CACNA1B: variants seen among roughly 807,000 people sequenced by gnomAD.
CACNA1B encodes calcium voltage-gated channel subunit alpha1 B, also known as voltage-dependent N-type calcium channel subunit alpha-1B.
Under a neutral mutation model 247.2 loss-of-function variants are expected in CACNA1B, and 70 were observed. That is an observed-to-expected ratio of 0.28 (90% CI 0.23 to 0.35). The LOEUF is 0.35. CACNA1B is among the 10% of genes least tolerant of loss of function. CACNA1B has a pLI of 1.00. For missense variants in CACNA1B, 2,367 were observed against 3,197.4 expected (o/e 0.74, Z 6.26); for synonymous variants, 1,231 against 1,294.4 (o/e 0.95, Z 1.05).
In CACNA1B at chr9:137,984,185, G is replaced by C; in HGVS notation, c.1704G>C (p.Pro568=). The C allele has an allele frequency of 6.2e-7, 1 of 1,605,064 alleles. No homozygotes were observed. Among genetic ancestry groups the C allele is most frequent in the Non-Finnish European group, 8.5e-7 (1 of 1,176,158 alleles). Residue 568 remains proline, a synonymous_variant, in exon 13 of 47, where the codon CCG becomes CCC. Coordinates refer to ENST00000371372, the MANE Select transcript of CACNA1B (RefSeq NM_000718.4). ...AAGTGGTCTGGGCGGCCATCAAGCC[G>C]GGAAGCTCCTTTGGGATCAGTGTGC... The part of the protein sequence containing the change: ...VFEVVWAAIK[P]GSSFGISVLR...
Position 137,917,430 on chromosome 9 carries a change from A to T in CACNA1B, c.965A>T (p.Asn322Ile). The change falls in exon 6 of 47, where the codon AAT becomes ATT. Residue 322 changes from asparagine to isoleucine, a missense_variant and splice_region_variant. Around this residue, in one of 12 missense-constraint regions of CACNA1B, gnomAD observed 32 missense variants for 37.2 expected, o/e 0.86. Transcript: ENST00000371372. The surrounding 1 kb of genome is among the most constrained non-coding windows in gnomAD (Gnocchi z 5.5). ...GAGGGCTGGACTGACATCCTCTATA[A>T]TGTGAGTGGCGTCTTGGCCCTGGGC... Reference protein sequence around the residue: ...TMEGWTDILYNTNDAAGNTWN... With the variant: ...TMEGWTDILYITNDAAGNTWN... The T allele has an allele frequency of 6.2e-7, 1 of 1,612,766 alleles. No individual in the cohort carries two copies. Among genetic ancestry groups the T allele is most frequent in the Non-Finnish European group, 8.5e-7 (1 of 1,179,074 alleles).
In CACNA1B at chr9:138,122,374, C is replaced by A; in HGVS notation, c.*375C>A. ...AGCTCTGCGTCCTGTGGGGAGCACC[C>A]TTCACGTGGCCGTGCGGCACAGAGA... On this transcript the variant is annotated 3_prime_UTR_variant, in exon 47 of 47. Transcript: ENST00000371372. The A allele has an allele frequency of 4.0e-6, 1 of 251,384 alleles. No homozygotes were observed. The highest frequency in any genetic ancestry group is 8.5e-5 in the East Asian group (1 of 11,796). 15.6% of individuals were successfully genotyped at this position (251,384 alleles called of 1,614,324 possible). A position where few individuals can be genotyped will look rare whatever the true frequency, so the allele number is the denominator to read the frequency against.
At chr9:138,045,937 G>C (rs915001283) in intron 21 of CACNA1B, among the ~76,000 whole-genome samples, 1 of 152,140 alleles carries the variant, frequency 6.6e-6, no homozygotes, top group African/African-American at 2.4e-5. Flanking sequence ...GGGGCTGGGG[G>C]CGGTGGACAC....
chr9:137,901,091 G>A (rs1228703557), intron 3 of CACNA1B, among the ~76,000 whole-genome samples: 1 of 147,170 alleles, frequency 6.8e-6, no homozygotes, highest in Admixed American at 6.8e-5. Flanking sequence ...CTGTGTCTGT[G>A]TCTGTGTGTC....
At chr9:137,947,297 G>C (rs1451819304) in intron 6 of CACNA1B, among the ~76,000 whole-genome samples, 1 of 152,182 alleles carries the variant, frequency 6.6e-6, no homozygotes, top group African/African-American at 2.4e-5. Context: ...TGACACAGTG[G>C]AAGGGGGGTG....
In CACNA1B at chr9:138,052,994, G is replaced by C. The variant is rs1271937169; in HGVS notation, c.3807+806G>C. ...TCTGAGAGCAGCATTGTGTGCACAG[G>C]GAATGCTGAGCTTCCAGGTTGGGAG... is the stretch of plus-strand genomic sequence containing the variant. On this transcript the variant is annotated intron_variant, in intron 25 of 46. Coordinates refer to ENST00000371372, the MANE Select transcript of CACNA1B (RefSeq NM_000718.4). The surrounding 1 kb of genome is among the most constrained non-coding windows in gnomAD (Gnocchi z 5.1). Among the ~76,000 whole-genome samples, 1 of 152,242 alleles carries C rather than the reference G, an allele frequency of 6.6e-6. No homozygotes were observed. Among genetic ancestry groups the C allele is most frequent in the Non-Finnish European group, 1.5e-5 (1 of 68,052 alleles).
intron 26 of CACNA1B, among the ~76,000 whole-genome samples, chr9:138,056,485 T>C (rs1266479993): frequency 6.6e-6 from 1 of 152,264 alleles, no homozygotes; most frequent in Non-Finnish European, 1.5e-5. Context: ...CTGATGAACA[T>C]TGGGTTGTTT....
At chr9:138,065,331 G>A (rs1959878693) in intron 31 of CACNA1B, among the ~76,000 whole-genome samples, 2 of 152,194 alleles carry the variant, frequency 1.3e-5, no homozygotes, top group South Asian at 4.2e-4. Context: ...ATGAAAACTC[G>A]AGTTGTGGGT....
At position 138,010,999 on chromosome 9, in the gene CACNA1B, T is replaced by C. The variant is rs979613346; in HGVS notation, c.2160+922T>C. Among the ~76,000 whole-genome samples, 1 of 152,186 alleles carries C rather than the reference T, an allele frequency of 6.6e-6. No individual in the cohort carries two copies. The highest frequency in any genetic ancestry group is 2.4e-5 in the African/African-American group (1 of 41,454). Reference sequence around the variant, plus strand: ...CTCTCCAGGAGGGGGGTGTGGTCCATGCGGTGTGCCAGCTGCAGCCTGAGC... The same window carrying C: ...CTCTCCAGGAGGGGGGTGTGGTCCACGCGGTGTGCCAGCTGCAGCCTGAGC... On this transcript the variant is annotated intron_variant, in intron 17 of 46. Coordinates refer to ENST00000371372, the MANE Select transcript of CACNA1B (RefSeq NM_000718.4). This position sits in a 1 kb window ranked among gnomAD's most constrained non-coding sequence, Gnocchi z 5.3.
chr9:138,066,309 C>T lies in CACNA1B; in HGVS notation c.4669-3449C>T, dbSNP rs113307358. Among the ~76,000 whole-genome samples the T allele has an allele frequency of 3.2e-3, 488 of 152,284 alleles. 4 individuals carry two copies. The highest frequency in any genetic ancestry group is 0.011 in the African/African-American group (471 of 41,560). On this transcript the variant is annotated intron_variant, in intron 31 of 46. Transcript: ENST00000371372. The stretch of plus-strand genomic sequence containing the variant: ...TCAAGAGACCCAAGAGGGCGGGGCA[C>T]GCTGGCTCACGCCTGTACTCCCAGA...
At chr9:138,043,641 G>T in intron 20 of CACNA1B, 133 bp from the exon 21 acceptor site, 1 of 924,936 alleles carries the variant, frequency 1.1e-6, no homozygotes. Context: ...ACTGTTCTTA[G>T]CTGCTTGCCC....
At chr9:138,096,208 A>G (rs1397871004) in intron 36 of CACNA1B, among the ~76,000 whole-genome samples, 2 of 152,182 alleles carry the variant, frequency 1.3e-5, no homozygotes, top group African/African-American at 2.4e-5. Flanking sequence ...TGAGAGGGAA[A>G]GACAATGTGA....
intron 36 of CACNA1B, among the ~76,000 whole-genome samples, chr9:138,091,929 A>T (rs957226471): frequency 2.6e-5 from 4 of 152,236 alleles, no homozygotes; most frequent in African/African-American, 9.6e-5. Flanking sequence ...CGGGGGTGAC[A>T]TCACCTATTG....
Position 137,880,515 on chromosome 9 carries a change from G to A in CACNA1B, c.390+1356G>A, listed in dbSNP as rs1051987830. Among the ~76,000 whole-genome samples, 3 of 152,184 alleles carry A rather than the reference G, an allele frequency of 2.0e-5. No homozygotes were observed. The highest frequency in any genetic ancestry group is 4.4e-5 in the Non-Finnish European group (3 of 68,020). ...GGGACGCAGGCCCAGGAGCCAGGCC[G>A]GGGCGGGGGCAGGGAGGATCAAGCT... On this transcript the variant is annotated intron_variant, in intron 2 of 46. Coordinates refer to ENST00000371372, the MANE Select transcript of CACNA1B (RefSeq NM_000718.4). This position sits in a 1 kb window ranked among gnomAD's most constrained non-coding sequence, Gnocchi z 4.8.
At chr9:137,964,130 C>T (rs1232987178) in intron 10 of CACNA1B, among the ~76,000 whole-genome samples, 1 of 152,096 alleles carries the variant, frequency 6.6e-6, no homozygotes, top group Non-Finnish European at 1.5e-5. Context: ...ACATTCTTTC[C>T]TTCACTTCAA....
At chr9:138,068,512 C>A (rs1380739696) in intron 31 of CACNA1B, 22 of 484,076 alleles carry the variant, frequency 4.5e-5, no homozygotes, top group Non-Finnish European at 9.1e-5. Context: ...TGGCTGCCTC[C>A]TCCCTGTGCG....
intron 3 of CACNA1B, among the ~76,000 whole-genome samples, chr9:137,894,247 C>A (rs571609835): frequency 6.6e-6 from 1 of 151,332 alleles, no homozygotes; most frequent in South Asian, 2.1e-4. Flanking sequence ...ACATTTCCAG[C>A]AGCACAGGAG....
intron 18 of CACNA1B, among the ~76,000 whole-genome samples, chr9:138,017,712 C>A (rs1958810874): frequency 6.6e-6 from 1 of 152,224 alleles, no homozygotes; most frequent in South Asian, 2.1e-4. Context: ...ACTTGGGAAG[C>A]TCACAGTAGA....
chr9:137,927,421 C>G (rs2133299667), intron 6 of CACNA1B, among the ~76,000 whole-genome samples: 1 of 152,212 alleles, frequency 6.6e-6, no homozygotes, highest in African/African-American at 2.4e-5. Flanking sequence ...CGGGGTTTCT[C>G]CATGTTGGTC....
Sources: gnomAD v4.1 joint callset for allele counts (sites outside exome capture counted in the v4.1 genomes callset) on GRCh38, gnomAD v4.1.1 for gene constraint, gnomAD v4.1.1 regional missense constraint, Gnocchi (gnomAD v3.1) non-coding constraint, MANE v1.5 for transcripts, NCBI Gene and HGNC (gene_info 2026-07-23, HGNC 2026-07-21) for gene names.